PDE4C: variants seen among roughly 807,000 people sequenced by gnomAD.
PDE4C encodes 3',5'-cyclic-AMP phosphodiesterase 4C.
A neutral mutation model predicts 63.9 loss-of-function variants in PDE4C; 50 were observed. The ratio of observed to expected loss-of-function variants is 0.78; its 90% confidence interval spans 0.62 to 0.99. The LOEUF is 0.99. Ranked by LOEUF, PDE4C falls within the 50% of genes least tolerant of loss-of-function variation. The pLI is 0.00. For synonymous variants in PDE4C, 377 were observed against 385.1 expected (o/e 0.98, Z 0.25); for missense variants, 777 against 899.1 (o/e 0.86, Z 1.74).
At chr19:18,231,230 C>G (rs1049234579), upstream of PDE4C, among the ~76,000 whole-genome samples, 1 of 152,234 alleles carries the variant, frequency 6.6e-6, no homozygotes, top group African/African-American at 2.4e-5. Context: ...CACATGCATG[C>G]TCATCCACGT....
chr19:18,250,352 C>T (rs142670157), upstream of PDE4C: 188 of 399,096 alleles, frequency 4.7e-4, no homozygotes, highest in African/African-American at 2.6e-3. Flanking sequence ...GGACTCATTC[C>T]GGTGACAGAA....
intron 1 of PDE4C, among the ~76,000 whole-genome samples, chr19:18,239,518 G>A (rs1451796237): frequency 6.6e-6 from 1 of 152,146 alleles, no homozygotes; most frequent in Non-Finnish European, 1.5e-5. Flanking sequence ...AAAACAATGG[G>A]ACCCACGTGC....
intron 1 of PDE4C, among the ~76,000 whole-genome samples, chr19:18,239,794 G>A (rs1413042706): frequency 6.6e-6 from 1 of 152,150 alleles, no homozygotes; most frequent in South Asian, 2.1e-4. Flanking sequence ...GGGAGGCTGA[G>A]GCAGGCGGAT....
chr19:18,214,967 A>C (rs1443676530), intron 12 of PDE4C, among the ~76,000 whole-genome samples: 1 of 151,444 alleles, frequency 6.6e-6, no homozygotes, highest in Non-Finnish European at 1.5e-5. Flanking sequence ...AAAAAAAAAA[A>C]ACTTAACCCA....
rs568837388 is a variant in PDE4C, at chr19:18,246,939, AAAC to A, written c.-210+1229_-210+1231del. 2.6e-3 allele frequency among the ~76,000 whole-genome samples: 389 copies of A among 152,178 alleles called. 1 individual carries two copies. The highest frequency in any genetic ancestry group is 3.6e-3 in the Non-Finnish European group (242 of 68,006). Reference sequence around the variant, plus strand: ...GAGACCCTGTCTAAAAAACAAAACAAAACAACAACAGAAACCACTGAGTCCTAG... The same window carrying A: ...GAGACCCTGTCTAAAAAACAAAACAAAACAACAGAAACCACTGAGTCCTAG... On this transcript the variant is annotated intron_variant, in intron 1 of 15. Coordinates refer to the PDE4C transcript ENST00000594617.
intron 13 of PDE4C, among the ~76,000 whole-genome samples, chr19:18,213,088 A>G (rs1968032030): frequency 6.7e-6 from 1 of 149,738 alleles, no homozygotes; most frequent in South Asian, 2.1e-4. Context: ...TCTCATGGAG[A>G]TTGAGACCAT....
intron 14 of PDE4C, 99 bp downstream of exon 14, chr19:18,211,660 G>A: frequency 7.2e-7 from 1 of 1,390,472 alleles, no homozygotes; most frequent in Non-Finnish European, 1.0e-6. Context: ...ACACTCCCTG[G>A]CTAGCCAGCC....
chr19:18,242,737 A>G (rs1969063805), intron 1 of PDE4C, among the ~76,000 whole-genome samples: 1 of 146,708 alleles, frequency 6.8e-6, no homozygotes, highest in African/African-American at 2.5e-5. Flanking sequence ...GTGAGCCAAG[A>G]TCGCACCACT....
chr19:18,220,962 T>C lies in PDE4C; in HGVS notation c.450-39A>G, dbSNP rs547780245. 6.3e-7 allele frequency: 1 copy of C among 1,578,880 alleles called. No homozygotes were observed. The highest frequency in any genetic ancestry group is 1.3e-5 in the African/African-American group (1 of 74,724). ...GCCTCAGGCGTGGCTGCTCCGCCCATCTCGCCCCGCCCCCAAGTCCACCAG... is the reference window on the plus strand; with the variant it reads ...GCCTCAGGCGTGGCTGCTCCGCCCACCTCGCCCCGCCCCCAAGTCCACCAG... On this transcript the variant is annotated intron_variant, in intron 4 of 14. Transcript: ENST00000262805. The surrounding 1 kb of genome is among the most constrained non-coding windows in gnomAD (Gnocchi z 5.1).
chr19:18,254,498 T>C, the PDE4C span, among the ~76,000 whole-genome samples: 3 of 152,332 alleles, frequency 2.0e-5, no homozygotes, highest in South Asian at 6.2e-4. Context: ...GAGGCTCACA[T>C]GAGCCAAGTC....
At position 18,233,109 on chromosome 19, in the gene PDE4C, G is replaced by GCTCT. The variant is rs1218910353; in HGVS notation, c.79_82dup (p.Ala28GlufsTer57). On this transcript the variant is annotated frameshift_variant, in exon 1 of 15. Transcript: ENST00000594465. LOFTEE classifies it high-confidence loss of function. The stretch of plus-strand genomic sequence containing the variant: ...GGGTTGCCGCCACAGGTGCTTCGGG[G>GCTCT]CTCTGGTCATGCTGTGGCGGCCGCG... 6.4e-7 allele frequency: 1 copy of GCTCT among 1,567,344 alleles called. No homozygotes were observed. The highest frequency in any genetic ancestry group is 2.4e-5 in the East Asian group (1 of 42,346).
At chr19:18,219,179 T>C in intron 8 of PDE4C, 55 bp downstream of exon 8, 1 of 1,611,852 alleles carries the variant, frequency 6.2e-7, no homozygotes. Flanking sequence ...AGATAGGGCA[T>C]CCAGACAGAG....
At chr19:18,237,872 C>CAAAAAAAA (rs57462449), upstream of PDE4C, among the ~76,000 whole-genome samples, 1 of 94,938 alleles carries the variant, frequency 1.1e-5, no homozygotes. Flanking sequence ...GACTCCATCT[C>CAAAAAAAA]AAAAAAAAAA....
chr19:18,209,683 C>T (rs1418303424), downstream of PDE4C: 3 of 135,908 alleles, frequency 2.2e-5, no homozygotes, highest in African/African-American at 8.0e-5. Flanking sequence ...GCCACCTGGC[C>T]CGGCTTTTTT....
intron 1 of PDE4C, among the ~76,000 whole-genome samples, chr19:18,247,024 G>T (rs996876709): frequency 3.3e-5 from 5 of 152,234 alleles, no homozygotes; most frequent in Non-Finnish European, 4.4e-5. Context: ...CCCCCGCAGG[G>T]TTTTCCTCTT....
chr19:18,248,915 CTTGG>C (rs534003738), upstream of PDE4C, among the ~76,000 whole-genome samples: 20 of 151,866 alleles, frequency 1.3e-4, no homozygotes, highest in Admixed American at 2.6e-4. Context: ...ATCCCAGCTA[CTTGG>C]GAGGCTGAAG....
chr19:18,233,561 A>T (rs1354476298), exon 1 of PDE4C: 1 of 518,812 alleles, frequency 1.9e-6, no homozygotes, highest in Non-Finnish European at 3.7e-6. Context: ...AGAAGACAGA[A>T]ATTGTCCACT....
At chr19:18,224,095 G>T in intron 1 of PDE4C, 3 of 600,486 alleles carry the variant, frequency 5.0e-6, no homozygotes, top group Non-Finnish European at 4.2e-6. Flanking sequence ...CTTTCTGCCC[G>T]GCCCACCCTC....
intron 1 of PDE4C, among the ~76,000 whole-genome samples, chr19:18,241,469 G>C (rs375968160): frequency 9.2e-5 from 14 of 151,674 alleles, no homozygotes; most frequent in Non-Finnish European, 1.8e-4. Flanking sequence ...GGGTCTCACC[G>C]TGTTAGCTGG....
Sources: allele counts gnomAD v4.1 joint callset (sites outside exome capture counted in the v4.1 genomes callset), GRCh38; gene constraint gnomAD v4.1.1; non-coding constraint Gnocchi (gnomAD v3.1); transcripts MANE v1.5; gene names NCBI Gene and HGNC (gene_info 2026-07-23, HGNC 2026-07-21).